ARVCF: variants seen among roughly 807,000 people sequenced by gnomAD.
ARVCF encodes the protein ARVCF delta catenin family member, also known as splicing regulator ARVCF.
A neutral mutation model predicts 90.9 loss-of-function variants in ARVCF; 66 were observed. The ratio of observed to expected loss-of-function variants is 0.73; its 90% CI spans 0.60 to 0.89. The LOEUF is 0.89. Among genes scored for constraint, ARVCF ranks in the 40% least tolerant of loss-of-function variants. The pLI is 0.00. For missense variants in ARVCF, 1,469 were observed against 1,382.3 expected, an observed-to-expected ratio of 1.06 and a Z score of -1.00; for synonymous variants, 653 against 603.4, an observed-to-expected ratio of 1.08 and a Z score of -1.21.
intron 3 of ARVCF, among the ~76,000 whole-genome samples, chr22:19,987,984 C>T (rs1231548598): frequency 6.6e-6 from 1 of 152,154 alleles, no homozygotes; most frequent in Non-Finnish European, 1.5e-5. Flanking sequence ...CCCACAAAGG[C>T]CAAGCCAATG....
At chr22:20,014,315 C>T (rs1944945530) in intron 1 of ARVCF, among the ~76,000 whole-genome samples, 1 of 152,040 alleles carries the variant, frequency 6.6e-6, no homozygotes, top group Non-Finnish European at 1.5e-5. Context: ...CTGCCTCAGC[C>T]TCTTGAGTAG....
chr22:19,982,230 C>T, intron 3 of ARVCF, 139 bp from the exon 4 acceptor site: 1 of 1,179,194 alleles, frequency 8.5e-7, no homozygotes, highest in Non-Finnish European at 1.2e-6. Context: ...TGAACCCACC[C>T]ACCCCAAGGC....
chr22:20,005,279 C>A (rs145896566), intron 2 of ARVCF, among the ~76,000 whole-genome samples: 3 of 151,038 alleles, frequency 2.0e-5, no homozygotes, highest in Non-Finnish European at 2.9e-5. Flanking sequence ...CCAACAAGCA[C>A]GTTAAAAAAT....
intron 2 of ARVCF, among the ~76,000 whole-genome samples, chr22:20,005,739 T>G (rs1428785414): frequency 6.8e-6 from 1 of 147,712 alleles, no homozygotes; most frequent in Non-Finnish European, 1.5e-5. Context: ...GAGCTTGCAG[T>G]GAGCCAAGAT....
rs746001701 is a variant in ARVCF at position 19,972,346 on chromosome 22, A to C, written c.2695+12T>G. ...CGGCACAGAAAACCAACCACACTGC[A>C]TCTGCACTCACCTGGGCCCAGCGCA... is the stretch of plus-strand genomic sequence containing the variant. On this transcript the variant is annotated intron_variant, in intron 17 of 19. Coordinates refer to ENST00000263207, the MANE Select transcript of ARVCF (RefSeq NM_001670.3). 4.3e-6 allele frequency: 7 copies of C among 1,613,712 alleles called. No individual in the cohort carries two copies. The Admixed American group carries it at 1.2e-4, about 27-fold the overall frequency.
intron 2 of ARVCF, among the ~76,000 whole-genome samples, chr22:19,995,579 G>A (rs1053748630): frequency 1.3e-5 from 2 of 152,196 alleles, no homozygotes; most frequent in African/African-American, 4.8e-5. Flanking sequence ...GACATTTGAC[G>A]ACATCTTGCC....
intron 2 of ARVCF, among the ~76,000 whole-genome samples, chr22:19,998,055 A>G (rs1944317974): frequency 6.6e-6 from 1 of 152,226 alleles, no homozygotes; most frequent in Non-Finnish European, 1.5e-5. Flanking sequence ...GTTCACAGCT[A>G]GGCTGGGATC....
At chr22:19,976,664 T>C (rs1943170504) in intron 10 of ARVCF, 42 bp downstream of exon 10, 2 of 1,551,812 alleles carry the variant, frequency 1.3e-6, no homozygotes, top group Non-Finnish European at 1.7e-6. Flanking sequence ...AGGTACCCAC[T>C]GCACACGCCA....
chr22:19,977,705 C>T, intron 8 of ARVCF, 119 bp from the exon 9 acceptor site: 2 of 1,366,256 alleles, frequency 1.5e-6, no homozygotes, highest in East Asian at 5.0e-5. Context: ...AGGGAGTCCT[C>T]AGTGGAGGGG....
chr22:20,006,334 T>G (rs1601676840), intron 2 of ARVCF, among the ~76,000 whole-genome samples: 1 of 151,934 alleles, frequency 6.6e-6, no homozygotes, highest in East Asian at 2.0e-4. Flanking sequence ...TCTCAGCACT[T>G]TGGGAGGCCA....
At position 19,972,451 on chromosome 22, in the gene ARVCF, CA is replaced by C. The variant is rs778421058; in HGVS notation, c.2642-41del. The C allele has an allele frequency of 4.3e-6, 7 of 1,612,096 alleles. No homozygotes were observed. The Admixed American group carries it at 8.3e-5, about 19-fold the overall frequency. On this transcript the variant is annotated intron_variant, in intron 16 of 19. Transcript: ENST00000263207. ...GAGGAGACGGGCTGCATGTGGCAGCCAGGGGGGATCGGGGCAGAGAAGCCCA... is the reference window on the plus strand; with the variant it reads ...GAGGAGACGGGCTGCATGTGGCAGCCGGGGGGATCGGGGCAGAGAAGCCCA...
intron 1 of ARVCF, among the ~76,000 whole-genome samples, chr22:20,015,740 C>G (rs1012783600): frequency 6.6e-6 from 1 of 152,100 alleles, no homozygotes. Context: ...CATTAAGAGC[C>G]TACTCTAAAA....
chr22:19,980,852 C>A, intron 5 of ARVCF: 1 of 258,560 alleles, frequency 3.9e-6, no homozygotes. Flanking sequence ...CTGACCCGGG[C>A]TGTGGTCACA....
intron 3 of ARVCF, chr22:19,986,928 C>G: frequency 1.9e-6 from 1 of 518,196 alleles, no homozygotes; most frequent in South Asian, 2.4e-5. Flanking sequence ...CCCAGCCTGA[C>G]GCAGCCCAGC....
intron 2 of ARVCF, among the ~76,000 whole-genome samples, chr22:20,003,693 C>T (rs1035773749): frequency 6.6e-6 from 1 of 152,108 alleles, no homozygotes; most frequent in African/African-American, 2.4e-5. Context: ...GATAAAAACA[C>T]TCAAACTAGG....
intron 3 of ARVCF, chr22:19,986,530 C>T (rs987740447): frequency 6.6e-6 from 1 of 152,414 alleles, no homozygotes. Context: ...ACGTGCGCCT[C>T]GGAGGCAGAG....
At chr22:20,006,063 G>A (rs1223401703) in intron 2 of ARVCF, among the ~76,000 whole-genome samples, 1 of 152,152 alleles carries the variant, frequency 6.6e-6, no homozygotes, top group Non-Finnish European at 1.5e-5. Context: ...GGCATCTAAA[G>A]TAGTCAAACA....
At chr22:19,967,708 C>T (rs1023514873), downstream of ARVCF, 7 of 262,706 alleles carry the variant, frequency 2.7e-5, no homozygotes, top group African/African-American at 1.6e-4. Flanking sequence ...TGCTTGTTAA[C>T]TTTTGTTTGG....
chr22:19,987,179 C>T, intron 3 of ARVCF: 1 of 432,364 alleles, frequency 2.3e-6, no homozygotes, highest in Non-Finnish European at 4.1e-6. Flanking sequence ...GCCGCTCGGG[C>T]TCAGGCTCGG....
Sources: gnomAD v4.1 joint callset for allele counts (sites outside exome capture counted in the v4.1 genomes callset) on GRCh38, gnomAD v4.1.1 for gene constraint, MANE v1.5 for transcripts, NCBI Gene and HGNC (gene_info 2026-07-23, HGNC 2026-07-21) for gene names.